FAF1: variants seen among roughly 807,000 people sequenced by gnomAD.
The protein encoded by FAF1 is FAS-associated factor 1.
In FAF1, 25 loss-of-function variants were observed where a neutral mutation model predicts 92.5. The ratio of observed to expected loss-of-function variants is 0.27; its 90% CI spans 0.20 to 0.38. The LOEUF (loss-of-function observed/expected upper bound fraction) is 0.38, where lower values mean the gene tolerates loss of function less well. Among genes scored for constraint, FAF1 ranks in the 10% least tolerant of loss-of-function variants. The pLI, the probability that FAF1 is intolerant of heterozygous loss-of-function variation, is 1.00. For missense variants in FAF1, 636 were observed against 793.3 expected, an observed-to-expected ratio of 0.80 and a Z score of 2.38; for synonymous variants, 234 against 273.2, an observed-to-expected ratio of 0.86 and a Z score of 1.42.
At chr1:50,471,987 G>GA (rs956065819) in intron 18 of FAF1, among the ~76,000 whole-genome samples, 2 of 152,052 alleles carry the variant, frequency 1.3e-5, no homozygotes, top group African/African-American at 4.8e-5. Context: ...AAAGAGGAGA[G>GA]AAAACGGAAG....
chr1:50,479,367 G>A (rs1646674340), intron 17 of FAF1, among the ~76,000 whole-genome samples: 1 of 152,184 alleles, frequency 6.6e-6, no homozygotes, highest in African/African-American at 2.4e-5. Context: ...TTTTTGATGG[G>A]AGACTCTGCT....
At chr1:50,628,842 C>T (rs1183589727) in intron 8 of FAF1, among the ~76,000 whole-genome samples, 2 of 152,184 alleles carry the variant, frequency 1.3e-5, no homozygotes, top group African/African-American at 4.8e-5. Flanking sequence ...GACAGGTTTT[C>T]ACAGACATCC....
intron 4 of FAF1, among the ~76,000 whole-genome samples, chr1:50,767,407 G>A (rs142594028): frequency 3.0e-4 from 46 of 152,238 alleles, no homozygotes; most frequent in African/African-American, 1.0e-3. Flanking sequence ...TATAATTCGC[G>A]AAAATTTCCC....
rs1223409964 is a variant in FAF1, at chr1:50,788,858, GTCTC to G, written c.162-657_162-654del. Among the ~76,000 whole-genome samples the G allele has an allele frequency of 2.6e-5, 4 of 152,112 alleles. No individual in the cohort carries two copies. The South Asian group carries it at 8.3e-4, about 32-fold the overall frequency. ...TTTTTGTTTGTTTGTTTGAGATGGG[GTCTC>G]TCTCTGTTATCCAGGCTGGACAGCA... On this transcript the variant is annotated intron_variant, in intron 3 of 18. Coordinates refer to ENST00000396153, the MANE Select transcript of FAF1 (RefSeq NM_007051.3).
intron 7 of FAF1, among the ~76,000 whole-genome samples, chr1:50,698,754 T>A (rs1657338651): frequency 6.6e-6 from 1 of 152,098 alleles, no homozygotes; most frequent in African/African-American, 2.4e-5. Flanking sequence ...TACATTTCAA[T>A]GAGCACTCCC....
intron 7 of FAF1, among the ~76,000 whole-genome samples, chr1:50,664,044 C>A (rs1211430494): frequency 6.9e-6 from 1 of 144,388 alleles, no homozygotes; most frequent in Non-Finnish European, 1.5e-5. Flanking sequence ...TGTCACCAGG[C>A]TGGAGTGTAG....
At chr1:50,883,179 A>G (rs1336687988) in intron 1 of FAF1, among the ~76,000 whole-genome samples, 1 of 152,148 alleles carries the variant, frequency 6.6e-6, no homozygotes, top group Non-Finnish European at 1.5e-5. Context: ...GGCAACTAAC[A>G]GATGTATGGG....
At chr1:50,532,851 A>G (rs531214164) in intron 15 of FAF1, among the ~76,000 whole-genome samples, 186 of 152,266 alleles carry the variant, frequency 1.2e-3, no homozygotes, top group Non-Finnish European at 2.0e-3. Context: ...TCACTCTGTC[A>G]CCCAGACTGG....
chr1:50,674,642 C>T (rs1412102815), intron 7 of FAF1, among the ~76,000 whole-genome samples: 3 of 151,932 alleles, frequency 2.0e-5, no homozygotes, highest in East Asian at 1.9e-4. Flanking sequence ...TATTTTTTGG[C>T]GTGTTTTACT....
chr1:50,792,224 A>T (rs1422599784), intron 3 of FAF1, among the ~76,000 whole-genome samples: 1 of 152,224 alleles, frequency 6.6e-6, no homozygotes, highest in Non-Finnish European at 1.5e-5. Context: ...TCATGACAAG[A>T]TAGCTACAAA....
chr1:50,624,426 C>T (rs1184906430), intron 8 of FAF1, among the ~76,000 whole-genome samples: 1 of 152,114 alleles, frequency 6.6e-6, no homozygotes, highest in African/African-American at 2.4e-5. Flanking sequence ...GGATTACATG[C>T]GTGAGCCACC....
At chr1:50,476,694 G>A (rs868126356) in intron 17 of FAF1, among the ~76,000 whole-genome samples, 13 of 151,904 alleles carry the variant, frequency 8.6e-5, no homozygotes, top group Admixed American at 2.6e-4. Context: ...CTTAACATTC[G>A]TATGCCATTA....
In FAF1 at chr1:50,466,929, A is replaced by G. The variant is rs187573043; in HGVS notation, c.1869+8535T>C. ...GGTGGAGAATGTTCTCCTCATAACA[A>G]TCTACCAAAAAATCCTATCTATCTC... is the stretch of plus-strand genomic sequence containing the variant. On this transcript the variant is annotated intron_variant, in intron 18 of 18. Transcript: ENST00000396153. 4.7e-4 allele frequency among the ~76,000 whole-genome samples: 71 copies of G among 152,236 alleles called. 1 individual carries two copies. Among genetic ancestry groups the G allele is most frequent in the African/African-American group, 1.3e-3 (56 of 41,542 alleles).
chr1:50,501,488 T>C (rs1572789290), intron 15 of FAF1, among the ~76,000 whole-genome samples: 2 of 151,962 alleles, frequency 1.3e-5, no homozygotes, highest in Admixed American at 1.3e-4. Flanking sequence ...GGTGAAACCC[T>C]GTCTCTACTA....
rs1557966795 is a variant in FAF1, at chr1:50,490,463, A to AAG, written c.1653+124_1653+125insCT. 1,717 of 565,198 alleles carry AAG rather than the reference A, an allele frequency of 3.0e-3. 20 individuals are homozygous for AAG. Among genetic ancestry groups the AAG allele is most frequent in the Non-Finnish European group, 3.8e-3 (1,206 of 318,410 alleles). 35.0% of individuals were successfully genotyped at this position (565,198 alleles called of 1,614,324 possible). A position where few individuals can be genotyped will look rare whatever the true frequency, so the allele number is the denominator to read the frequency against. ...AGGAAGGAAGGAAGGAAGGAAGGAA[A>AAG]AAGAAAGAAGGAAGGAAGGAAGGAA... On this transcript the variant is annotated intron_variant, in intron 17 of 18. Transcript: ENST00000396153.
chr1:50,775,951 T>C (rs1221603515), intron 4 of FAF1, among the ~76,000 whole-genome samples: 2 of 152,120 alleles, frequency 1.3e-5, no homozygotes, highest in East Asian at 1.9e-4. Context: ...CCTGCCATAA[T>C]ACTCATAAGG....
intron 12 of FAF1, among the ~76,000 whole-genome samples, chr1:50,574,896 C>CTGTTTTTTGT (rs1558000811): frequency 8.1e-6 from 1 of 122,886 alleles, no homozygotes; most frequent in Admixed American, 8.0e-5. Flanking sequence ...GTTGTATTAA[C>CTGTTTTTTGT]TCTTTTTTTT....
chr1:50,564,785 C>T (rs2149055017), intron 13 of FAF1, among the ~76,000 whole-genome samples: 1 of 152,042 alleles, frequency 6.6e-6, no homozygotes, highest in South Asian at 2.1e-4. Context: ...TTTTTTTAAG[C>T]AATAAACCAG....
chr1:50,559,642 A>G (rs1314198518), intron 13 of FAF1, among the ~76,000 whole-genome samples: 1 of 152,240 alleles, frequency 6.6e-6, no homozygotes, highest in Non-Finnish European at 1.5e-5. Flanking sequence ...CTGCAAATTG[A>G]TCTTGACATT....
Sources: gnomAD v4.1 joint callset for allele counts (sites outside exome capture counted in the v4.1 genomes callset) on GRCh38, gnomAD v4.1.1 for gene constraint, MANE v1.5 for transcripts, NCBI Gene and HGNC (gene_info 2026-07-23, HGNC 2026-07-21) for gene names.